The following PLEKHM3 variants were observed in gnomAD, a reference collection of about 807,000 sequenced individuals.
PLEKHM3 encodes pleckstrin homology domain containing M3.
A neutral mutation model predicts 81.8 loss-of-function variants in PLEKHM3; 45 were observed. The observed-to-expected ratio is 0.55, with a 90% confidence interval of 0.43 to 0.71. The LOEUF is 0.71. Among genes scored for constraint, PLEKHM3 ranks in the 30% least tolerant of loss-of-function variants. The pLI is 0.00. For missense variants in PLEKHM3, 788 were observed against 924.3 expected (o/e 0.85, Z 1.91); for synonymous variants, 352 against 356.4 (o/e 0.99, Z 0.14).
intron 7 of PLEKHM3, among the ~76,000 whole-genome samples, chr2:207,844,167 A>T (rs2092369892): frequency 6.6e-6 from 1 of 152,060 alleles, no homozygotes; most frequent in Non-Finnish European, 1.5e-5. Flanking sequence ...GCCACACTAG[A>T]TCTTTCAGTC....
At chr2:207,874,296 C>T (rs908786338) in intron 6 of PLEKHM3, among the ~76,000 whole-genome samples, 6 of 152,082 alleles carry the variant, frequency 3.9e-5, no homozygotes, top group East Asian at 1.9e-4. Flanking sequence ...ATTTTCAGGC[C>T]GGGCATGGTG....
At position 207,938,876 on chromosome 2, in the gene PLEKHM3, A is replaced by G. The variant is rs566196124; in HGVS notation, c.1692+7491T>C. Among the ~76,000 whole-genome samples the G allele has an allele frequency of 2.6e-5, 4 of 152,360 alleles. No individual in the cohort carries two copies. In the East Asian group the frequency reaches 5.8e-4, roughly 22 times the overall value. Reference sequence around the variant, plus strand: ...CTTTACAGAGAGATTTTAAGTGTCAATGATGGCTAAATTGGTGATTTCTGT... The same window carrying G: ...CTTTACAGAGAGATTTTAAGTGTCAGTGATGGCTAAATTGGTGATTTCTGT... On this transcript the variant is annotated intron_variant, in intron 4 of 7. Coordinates refer to ENST00000427836, the MANE Select transcript of PLEKHM3 (RefSeq NM_001080475.3).
chr2:207,846,816 A>AT (rs1338407168), intron 7 of PLEKHM3, among the ~76,000 whole-genome samples: 2 of 152,174 alleles, frequency 1.3e-5, no homozygotes, highest in African/African-American at 2.4e-5. Flanking sequence ...ATACAATGTG[A>AT]TAAAAAATGC....
chr2:207,950,422 T>C (rs913953129), intron 3 of PLEKHM3, among the ~76,000 whole-genome samples: 1 of 152,210 alleles, frequency 6.6e-6, no homozygotes, highest in Admixed American at 6.5e-5. Context: ...TTAGCTTTAA[T>C]TGGTGAATTG....
At chr2:207,869,036 T>C (rs2092518201) in intron 6 of PLEKHM3, 2 of 152,230 alleles carry the variant, frequency 1.3e-5, no homozygotes, top group Non-Finnish European at 2.9e-5. Flanking sequence ...TCAAACTTAA[T>C]CTGAATCACT....
intron 6 of PLEKHM3, among the ~76,000 whole-genome samples, chr2:207,883,387 C>G (rs1181546579): frequency 6.6e-6 from 1 of 152,170 alleles, no homozygotes; most frequent in African/African-American, 2.4e-5. Context: ...GCTCAGGCAG[C>G]CCCAGCACAC....
At chr2:208,003,757 C>T (rs997171109) in intron 1 of PLEKHM3, among the ~76,000 whole-genome samples, 4 of 152,138 alleles carry the variant, frequency 2.6e-5, no homozygotes, top group Admixed American at 1.3e-4. Context: ...GGTTTTAGTG[C>T]TTCTGTAATT....
chr2:207,894,874 T>C (rs1688172262), intron 6 of PLEKHM3, among the ~76,000 whole-genome samples: 1 of 152,180 alleles, frequency 6.6e-6, no homozygotes, highest in Non-Finnish European at 1.5e-5. Context: ...CTGGACGACT[T>C]TGTGCCAGTA....
chr2:208,000,894 G>T, intron 2 of PLEKHM3, 136 bp downstream of exon 2: 3 of 812,482 alleles, frequency 3.7e-6, no homozygotes, highest in Non-Finnish European at 5.5e-6. Flanking sequence ...ATTCTCATGA[G>T]CCAGATTAAG....
intron 7 of PLEKHM3, among the ~76,000 whole-genome samples, chr2:207,858,424 T>G (rs1045139117): frequency 6.6e-6 from 1 of 152,054 alleles, no homozygotes; most frequent in African/African-American, 2.4e-5. Context: ...TGAGACTTGT[T>G]TTGTGGCCCA....
intron 7 of PLEKHM3, among the ~76,000 whole-genome samples, chr2:207,854,771 G>A (rs1353719911): frequency 1.3e-5 from 2 of 152,120 alleles, no homozygotes; most frequent in Non-Finnish European, 2.9e-5. Flanking sequence ...GGAAGAAGGA[G>A]GATTCTCCAC....
At chr2:207,941,324 G>A (rs902552985) in intron 4 of PLEKHM3, among the ~76,000 whole-genome samples, 27 of 152,132 alleles carry the variant, frequency 1.8e-4, no homozygotes, top group African/African-American at 6.3e-4. Flanking sequence ...ATAAATCCAT[G>A]CATTTACAAC....
chr2:207,920,885 C>T (rs990809558), intron 5 of PLEKHM3, among the ~76,000 whole-genome samples: 5 of 152,164 alleles, frequency 3.3e-5, no homozygotes, highest in Admixed American at 2.6e-4. Flanking sequence ...TGGTTCTCCA[C>T]GGCTGATCAA....
chr2:208,001,511 A>C lies in PLEKHM3; in HGVS notation c.129T>G (p.Pro43=), dbSNP rs753001146. Residue 43 remains proline, a synonymous_variant, in exon 2 of 8, where the codon CCT becomes CCG. Coordinates refer to ENST00000427836, the MANE Select transcript of PLEKHM3 (RefSeq NM_001080475.3). ...QAEVYGIQEV[P]ELVGHEVLSN... is the part of the protein sequence containing the mutation. ...TGAGTACCTCATGCCCCACCAGTTCAGGGACTTCCTGGATCCCATAAACCT... is the reference window on the plus strand; with the variant it reads ...TGAGTACCTCATGCCCCACCAGTTCCGGGACTTCCTGGATCCCATAAACCT... The C allele has an allele frequency of 2.5e-6, 4 of 1,614,076 alleles. No individual in the cohort carries two copies.
intron 6 of PLEKHM3, among the ~76,000 whole-genome samples, chr2:207,883,005 C>G (rs1687748920): frequency 6.6e-6 from 1 of 152,058 alleles, no homozygotes; most frequent in Non-Finnish European, 1.5e-5. Flanking sequence ...ACCTTGGCCT[C>G]CCATAGTGCT....
At chr2:207,932,548 G>T (rs998131846) in intron 4 of PLEKHM3, among the ~76,000 whole-genome samples, 1 of 152,190 alleles carries the variant, frequency 6.6e-6, no homozygotes, top group African/African-American at 2.4e-5. Flanking sequence ...TAGGCTAGAA[G>T]TATATTAATA....
chr2:207,996,263 G>A (rs1411592757), intron 2 of PLEKHM3, among the ~76,000 whole-genome samples: 1 of 152,148 alleles, frequency 6.6e-6, no homozygotes, highest in Non-Finnish European at 1.5e-5. Flanking sequence ...AAAAGCCTAT[G>A]TTCATTTTTC....
intron 6 of PLEKHM3, among the ~76,000 whole-genome samples, chr2:207,884,037 G>A (rs1035799139): frequency 1.3e-5 from 2 of 152,208 alleles, no homozygotes; most frequent in Admixed American, 1.3e-4. Context: ...GGTGGCTCAC[G>A]CCTGTAATCG....
chr2:208,024,947 C>G (rs1160324309), intron 1 of PLEKHM3, among the ~76,000 whole-genome samples: 1 of 152,120 alleles, frequency 6.6e-6, no homozygotes. Flanking sequence ...AAGACCAAAC[C>G]ATGCTTGTCA....
Sources: allele counts gnomAD v4.1 joint callset (sites outside exome capture counted in the v4.1 genomes callset), GRCh38; gene constraint gnomAD v4.1.1; transcripts MANE v1.5; gene names NCBI Gene and HGNC (gene_info 2026-07-23, HGNC 2026-07-21).